The following MFAP3L variants were observed in gnomAD, a reference collection of about 807,000 sequenced individuals.
MFAP3L encodes the protein microfibrillar-associated protein 3-like.
Under a neutral mutation model 20.0 loss-of-function variants are expected in MFAP3L, and 5 were observed. The observed-to-expected ratio is 0.25, with a 90% confidence interval of 0.13 to 0.53. The LOEUF (loss-of-function observed/expected upper bound fraction) is 0.53. Among genes scored for constraint, MFAP3L ranks in the 20% least tolerant of loss-of-function variants. The pLI, the probability that MFAP3L is intolerant of heterozygous loss-of-function variation, is 0.96. For synonymous variants in MFAP3L, 219 were observed against 213.0 expected (o/e 1.03, Z -0.25); for missense variants, 409 against 527.5 (o/e 0.78, Z 2.20).
At chr4:170,000,763 C>CG (rs1431488126) in intron 2 of MFAP3L, among the ~76,000 whole-genome samples, 1 of 152,152 alleles carries the variant, frequency 6.6e-6, no homozygotes, top group Non-Finnish European at 1.5e-5. Flanking sequence ...CTTGCTATTG[C>CG]CCAGGCTGGA....
upstream of MFAP3L, chr4:170,027,015 C>G (rs780673288): frequency 2.0e-4 from 30 of 152,142 alleles, no homozygotes; most frequent in Non-Finnish European, 3.4e-4. Flanking sequence ...CGGGCCGTTC[C>G]CTGGTGACTT....
In MFAP3L at chr4:169,988,348, T is replaced by A. The variant is rs1737418609; in HGVS notation, c.*3030A>T. 6.6e-6 allele frequency: 1 copy of A among 152,228 alleles called. No homozygotes were observed. The highest frequency in any genetic ancestry group is 1.5e-5 in the Non-Finnish European group (1 of 68,040). 9.4% of individuals were successfully genotyped at this position (152,228 alleles called of 1,614,324 possible). A position where few individuals can be genotyped will look rare whatever the true frequency, so the allele number is the denominator to read the frequency against. ...CATCCAAGTTTACAGATCATCTAAG[T>A]GAATTAAATGTACACACATATGTGA... is the stretch of plus-strand genomic sequence containing the variant. On this transcript the variant is annotated 3_prime_UTR_variant, in exon 3 of 3. Transcript: ENST00000361618.
At chr4:170,010,842 A>G (rs1739335331) in intron 1 of MFAP3L, among the ~76,000 whole-genome samples, 1 of 152,124 alleles carries the variant, frequency 6.6e-6, no homozygotes, top group South Asian at 2.1e-4. Context: ...ATGTTGTTCA[A>G]GCATCAACTA....
chr4:170,008,022 C>T (rs1242504090), intron 1 of MFAP3L, among the ~76,000 whole-genome samples: 3 of 152,146 alleles, frequency 2.0e-5, no homozygotes, highest in Non-Finnish European at 4.4e-5. Context: ...TGGCTTTCTA[C>T]GTTCAAACAC....
At position 170,010,659 on chromosome 4, in the gene MFAP3L, T is replaced by C. The variant is rs970016815; in HGVS notation, c.-133-4649A>G. Among the ~76,000 whole-genome samples the C allele has an allele frequency of 7.9e-5, 12 of 152,376 alleles. No homozygotes were observed. In the East Asian group the frequency reaches 2.3e-3, roughly 29 times the overall value. ...CAGTCTTTTCTCTAGCTTACTTTAT[T>C]GTAGGAAAATGGTATATAATACACA... On this transcript the variant is annotated intron_variant, in intron 1 of 2. Transcript: ENST00000361618.
chr4:170,003,821 T>C (rs1364958718), intron 2 of MFAP3L: 1 of 985,464 alleles, frequency 1.0e-6, no homozygotes, highest in Non-Finnish European at 1.2e-6. Context: ...ACCATGGCTA[T>C]TGCCCTCCAT....
chr4:170,012,087 G>C (rs192212120), intron 1 of MFAP3L, among the ~76,000 whole-genome samples: 1 of 146,912 alleles, frequency 6.8e-6, no homozygotes, highest in Non-Finnish European at 1.5e-5. Flanking sequence ...TTTTGAAAAG[G>C]AGAAGTGACA....
At chr4:170,007,390 A>T (rs1739107499) in intron 1 of MFAP3L, among the ~76,000 whole-genome samples, 1 of 152,168 alleles carries the variant, frequency 6.6e-6, no homozygotes, top group Non-Finnish European at 1.5e-5. Context: ...CCTATTCGAT[A>T]CAGAATAGCT....
intron 2 of MFAP3L, among the ~76,000 whole-genome samples, chr4:169,995,747 C>A (rs1738105376): frequency 1.3e-5 from 2 of 152,128 alleles, no homozygotes; most frequent in Admixed American, 1.3e-4. Context: ...ACAGTGCAGT[C>A]CCCATGTATT....
intron 1 of MFAP3L, among the ~76,000 whole-genome samples, chr4:170,022,863 G>C (rs79558358): frequency 0.058 from 8,799 of 152,196 alleles, 257 homozygotes; most frequent in African/African-American, 0.073. Flanking sequence ...GCCCTGCAGA[G>C]TCTCTGACTT....
intron 2 of MFAP3L, among the ~76,000 whole-genome samples, chr4:169,995,511 C>G (rs2110933621): frequency 6.6e-6 from 1 of 152,276 alleles, no homozygotes; most frequent in South Asian, 2.1e-4. Context: ...CCCGCATCAG[C>G]TTTGGGCTCA....
At chr4:170,015,760 C>G (rs1189899795) in intron 1 of MFAP3L, among the ~76,000 whole-genome samples, 1 of 152,194 alleles carries the variant, frequency 6.6e-6, no homozygotes, top group African/African-American at 2.4e-5. Flanking sequence ...AACTTCACCA[C>G]CAGAGCAGGC....
At chr4:170,012,831 A>C (rs1176031140) in intron 1 of MFAP3L, among the ~76,000 whole-genome samples, 2 of 152,236 alleles carry the variant, frequency 1.3e-5, no homozygotes. Context: ...ATACACCCAG[A>C]CTTGCTGGAT....
rs1737471511 is a variant in MFAP3L at position 169,989,035 on chromosome 4, C to T, written c.*2343G>A. 6.6e-6 allele frequency: 1 copy of T among 152,140 alleles called. No individual in the cohort carries two copies. The highest frequency in any genetic ancestry group is 1.5e-5 in the Non-Finnish European group (1 of 68,024). The allele number at this position is 152,140 out of a possible 1,614,324, so 9.4% of individuals were successfully genotyped here. On this transcript the variant is annotated 3_prime_UTR_variant, in exon 3 of 3. Transcript: ENST00000361618. ...TGAATAGGATGGGGTAACATCCATA[C>T]AGTATCACAAAATGAACTTAAGTCC...
chr4:170,003,524 G>A (rs186879137), intron 2 of MFAP3L: 2 of 253,580 alleles, frequency 7.9e-6, no homozygotes, highest in African/African-American at 2.3e-5. Flanking sequence ...TATCTCAGAC[G>A]CAGTAAGATA....
intron 1 of MFAP3L, among the ~76,000 whole-genome samples, chr4:170,014,882 C>T (rs1739602561): frequency 6.6e-6 from 1 of 152,156 alleles, no homozygotes; most frequent in Non-Finnish European, 1.5e-5. Flanking sequence ...TGTGGTGGGA[C>T]AGCTCATAAT....
At position 169,990,266 on chromosome 4, in the gene MFAP3L, A is replaced by G. The variant is rs1204053921; in HGVS notation, c.*1112T>C. The G allele has an allele frequency of 6.6e-6, 1 of 152,224 alleles. No individual in the cohort carries two copies. The highest frequency in any genetic ancestry group is 1.5e-5 in the Non-Finnish European group (1 of 68,040). 9.4% of individuals were successfully genotyped at this position (152,224 alleles called of 1,614,324 possible). On this transcript the variant is annotated 3_prime_UTR_variant, in exon 3 of 3. Coordinates refer to ENST00000361618, the MANE Select transcript of MFAP3L (RefSeq NM_021647.8). ...TTCAACAGTTTTGGCATAAAATCTG[A>G]TGGCACAGTTCCCTTTGCTATTACC...
intron 1 of MFAP3L, among the ~76,000 whole-genome samples, chr4:170,014,669 T>C (rs1739587918): frequency 6.6e-6 from 1 of 152,200 alleles, no homozygotes; most frequent in Admixed American, 6.5e-5. Context: ...CCTGAAATAA[T>C]TGTGAGTTTA....
intron 1 of MFAP3L, among the ~76,000 whole-genome samples, chr4:170,011,081 T>A (rs1739354647): frequency 6.6e-6 from 1 of 152,222 alleles, no homozygotes. Context: ...CTGCACAAGC[T>A]CTTTTCTTGC....
Sources: allele counts gnomAD v4.1 joint callset (sites outside exome capture counted in the v4.1 genomes callset), GRCh38; gene constraint gnomAD v4.1.1; transcripts MANE v1.5; gene names NCBI Gene and HGNC (gene_info 2026-07-23, HGNC 2026-07-21).